Variants in DCC observed in about 807,000 individuals in gnomAD.
DCC encodes the protein DCC netrin 1 receptor, also known as netrin receptor DCC.
A neutral mutation model predicts 172.5 loss-of-function variants in DCC; 58 were observed. The ratio of observed to expected loss-of-function variants is 0.34; its 90% confidence interval spans 0.27 to 0.42. The LOEUF is 0.42. Among genes scored for constraint, DCC ranks in the 10% least tolerant of loss-of-function variants. The pLI, the probability that DCC is intolerant of heterozygous loss-of-function variation, is 1.00. For synonymous variants in DCC, 709 were observed against 644.5 expected (o/e 1.10, Z -1.52); for missense variants, 1,740 against 1,791.0 (o/e 0.97, Z 0.51).
At chr18:52,841,518 G>A (rs1190368455) in intron 2 of DCC, among the ~76,000 whole-genome samples, 15 of 152,288 alleles carry the variant, frequency 9.8e-5, no homozygotes, top group East Asian at 9.6e-4. Flanking sequence ...CATTCTGTCC[G>A]AGAAAGGAAT....
chr18:53,078,114 G>C (rs1048420077), intron 7 of DCC, among the ~76,000 whole-genome samples: 1 of 151,976 alleles, frequency 6.6e-6, no homozygotes, highest in Non-Finnish European at 1.5e-5. Flanking sequence ...AATATTTATC[G>C]AGTACCCAGA....
intron 1 of DCC, among the ~76,000 whole-genome samples, chr18:52,426,687 T>C (rs1283024480): frequency 6.6e-6 from 1 of 152,048 alleles, no homozygotes; most frequent in African/African-American, 2.4e-5. Context: ...TTAGTCTTTG[T>C]AGAGGATACC....
At chr18:53,311,069 C>T (rs946331217) in intron 13 of DCC, among the ~76,000 whole-genome samples, 9 of 150,692 alleles carry the variant, frequency 6.0e-5, no homozygotes, top group East Asian at 2.0e-4. Flanking sequence ...ACACAGAATT[C>T]GTCTCATCCA....
intron 2 of DCC, among the ~76,000 whole-genome samples, chr18:52,834,517 T>C (rs2038669149): frequency 6.6e-6 from 1 of 152,232 alleles, no homozygotes; most frequent in South Asian, 2.1e-4. Context: ...CCGAACTTTT[T>C]GTGTGCCTAA....
chr18:53,302,852 C>G (rs2057157059), intron 12 of DCC, among the ~76,000 whole-genome samples: 1 of 152,082 alleles, frequency 6.6e-6, no homozygotes, highest in African/African-American at 2.4e-5. Context: ...TTTTATGTGA[C>G]CTGCTTTTTT....
At chr18:52,486,430 C>A (rs1230596588) in intron 1 of DCC, among the ~76,000 whole-genome samples, 1 of 152,136 alleles carries the variant, frequency 6.6e-6, no homozygotes, top group Non-Finnish European at 1.5e-5. Context: ...TAGCCTCCAA[C>A]TGATTTCACA....
At position 52,950,929 on chromosome 18, in the gene DCC, C is replaced by CAAAAAAAAAAAAAA. The variant is rs755118442; in HGVS notation, c.985+25588_985+25601dup. ...TGGGCGACAGAGTGAGACTCCGTCT[C>CAAAAAAAAAAAAAA]AAAAAAAAAAAAAAAAAAAAAAAAA... is the stretch of plus-strand genomic sequence containing the variant. On this transcript the variant is annotated intron_variant, in intron 5 of 28. Transcript: ENST00000442544. 5.4e-4 allele frequency among the ~76,000 whole-genome samples: 31 copies of CAAAAAAAAAAAAAA among 57,424 alleles called. 3 individuals carry two copies. Among genetic ancestry groups the CAAAAAAAAAAAAAA allele is most frequent in the Admixed American group, 1.2e-3 (4 of 3,312 alleles). The allele number at this position is 57,424 out of a possible 152,430, so 37.7% of individuals were successfully genotyped here. A position where few individuals can be genotyped will look rare whatever the true frequency, so the allele number is the denominator to read the frequency against.
At chr18:52,810,508 T>G (rs375570419) in intron 2 of DCC, among the ~76,000 whole-genome samples, 27 of 152,220 alleles carry the variant, frequency 1.8e-4, no homozygotes, top group African/African-American at 4.1e-4. Context: ...AAGAAGAATT[T>G]TAGTGCATGA....
chr18:52,776,671 T>A (rs2037440724), intron 2 of DCC, among the ~76,000 whole-genome samples: 1 of 152,044 alleles, frequency 6.6e-6, no homozygotes, highest in Non-Finnish European at 1.5e-5. Flanking sequence ...CTATACGATT[T>A]AAGAAAATGA....
chr18:52,790,204 C>G (rs1422447415), intron 2 of DCC, among the ~76,000 whole-genome samples: 1 of 152,068 alleles, frequency 6.6e-6, no homozygotes, highest in Admixed American at 6.6e-5. Context: ...AGCCTGTAGC[C>G]AAGTTTGTTA....
chr18:52,916,326 C>A (rs924469471), intron 3 of DCC, among the ~76,000 whole-genome samples: 3 of 151,864 alleles, frequency 2.0e-5, no homozygotes, highest in Admixed American at 6.6e-5. Context: ...ACAAAGTGAG[C>A]CAGCTACTTC....
rs557243327 is a variant in DCC at position 52,841,201 on chromosome 18, C to T, written c.413-64843C>T. 2.0e-3 allele frequency among the ~76,000 whole-genome samples: 311 copies of T among 152,102 alleles called. 1 individual carries two copies. Among genetic ancestry groups the T allele is most frequent in the Non-Finnish European group, 3.4e-3 (232 of 67,998 alleles). On this transcript the variant is annotated intron_variant, in intron 2 of 28. Coordinates refer to ENST00000442544, the MANE Select transcript of DCC (RefSeq NM_005215.4). Reference sequence around the variant, plus strand: ...TGCAAATGCCTTCAGCCAGAAAAATCTGGGACCTTGTTGGCTGTGGAATCA... The same window carrying T: ...TGCAAATGCCTTCAGCCAGAAAAATTTGGGACCTTGTTGGCTGTGGAATCA...
At position 52,347,057 on chromosome 18, in the gene DCC, T is replaced by C. The variant is rs539833175; in HGVS notation, c.91+6179T>C. 2.6e-5 allele frequency among the ~76,000 whole-genome samples: 4 copies of C among 152,304 alleles called. No individual in the cohort carries two copies. The East Asian group carries it at 7.7e-4, about 29-fold the overall frequency. On this transcript the variant is annotated intron_variant, in intron 1 of 28. Transcript: ENST00000442544. ...TTGGTTCTTGCCTGAAGGCTACTCC[T>C]AAGAGTATCTAGGACAAACATGTTC...
Position 52,906,129 on chromosome 18 carries a change from G to A in DCC, c.498G>A (p.Glu166=). Residue 166 remains glutamate (E), a synonymous_variant, in exon 3 of 29, where the codon GAG becomes GAA. Coordinates refer to ENST00000442544, the MANE Select transcript of DCC (RefSeq NM_005215.4). ...TVLLKCEVIG[E]PMPTIHWQKN... is the part of the protein sequence containing the mutation. ...TACTCAAGTGTGAAGTCATTGGGGA[G>A]CCCATGCCAACAATCCACTGGCAGA... 6.2e-7 allele frequency: 1 copy of A among 1,613,988 alleles called. No individual in the cohort carries two copies. Among genetic ancestry groups the A allele is most frequent in the Admixed American group, 1.7e-5 (1 of 60,010 alleles).
chr18:52,531,160 T>G (rs2032138401), intron 1 of DCC, among the ~76,000 whole-genome samples: 1 of 152,204 alleles, frequency 6.6e-6, no homozygotes, highest in African/African-American at 2.4e-5. Flanking sequence ...TCATGGGGAA[T>G]TCCTTATCAC....
chr18:52,689,580 C>G (rs1356511518), intron 1 of DCC, among the ~76,000 whole-genome samples: 4 of 152,036 alleles, frequency 2.6e-5, no homozygotes, highest in Non-Finnish European at 2.9e-5. Flanking sequence ...AAGCGCAGTG[C>G]CTAGCATGGT....
chr18:52,846,480 A>G lies in DCC; in HGVS notation c.413-59564A>G, dbSNP rs148699745. ...GCTTGAGCCAGAAGGCTGAGGCTGC[A>G]GTGAGCTGAAATTGAGTCACTACAC... is the stretch of plus-strand genomic sequence containing the variant. On this transcript the variant is annotated intron_variant, in intron 2 of 28. Coordinates refer to ENST00000442544, the MANE Select transcript of DCC (RefSeq NM_005215.4). Among the ~76,000 whole-genome samples the G allele has an allele frequency of 5.1e-3, 776 of 152,176 alleles. 4 individuals are homozygous for G. Among genetic ancestry groups the G allele is most frequent in the South Asian group, 0.01 (49 of 4,816 alleles).
chr18:52,512,278 C>T (rs931607743), intron 1 of DCC, among the ~76,000 whole-genome samples: 8 of 152,130 alleles, frequency 5.3e-5, no homozygotes, highest in African/African-American at 1.9e-4. Flanking sequence ...TCTACATTTC[C>T]TCCTTAGCTG....
intron 1 of DCC, among the ~76,000 whole-genome samples, chr18:52,693,853 T>C (rs1253257822): frequency 6.6e-6 from 1 of 152,102 alleles, no homozygotes; most frequent in African/African-American, 2.4e-5. Flanking sequence ...AAAATAAATA[T>C]ACATGAGTAC....
Sources: allele counts gnomAD v4.1 joint callset (sites outside exome capture counted in the v4.1 genomes callset), GRCh38; gene constraint gnomAD v4.1.1; transcripts MANE v1.5; gene names NCBI Gene and HGNC (gene_info 2026-07-23, HGNC 2026-07-21).